BACH2: variants seen among roughly 807,000 people sequenced by gnomAD.
BACH2 encodes transcription regulator protein BACH2.
BACH2 carries 5 observed loss-of-function variants against 61.8 expected under a neutral mutation model. The observed-to-expected ratio is 0.08, with a 90% CI of 0.04 to 0.17. The LOEUF (loss-of-function observed/expected upper bound fraction) is 0.17, where lower values mean the gene tolerates loss of function less well. Ranked by LOEUF, BACH2 falls within the 10% of genes least tolerant of loss-of-function variation. The pLI is 1.00. For synonymous variants in BACH2, 446 were observed against 440.1 expected (o/e 1.01, Z -0.17); for missense variants, 824 against 1,091.1 (o/e 0.76, Z 3.45).
intron 5 of BACH2, among the ~76,000 whole-genome samples, chr6:90,073,044 T>C (rs1199838431): frequency 6.6e-6 from 1 of 152,266 alleles, no homozygotes; most frequent in African/African-American, 2.4e-5. Context: ...ATGCAACAGA[T>C]GGTACTGAGG....
intron 4 of BACH2, among the ~76,000 whole-genome samples, chr6:90,148,890 T>C (rs1226603828): frequency 1.3e-5 from 2 of 152,222 alleles, no homozygotes; most frequent in African/African-American, 4.8e-5. Context: ...GGTGGTCTCG[T>C]GTACAGGGAC....
intron 4 of BACH2, among the ~76,000 whole-genome samples, chr6:90,191,200 G>T (rs575463008): frequency 6.6e-6 from 1 of 152,252 alleles, no homozygotes; most frequent in Non-Finnish European, 1.5e-5. Context: ...GGGCAAGTGT[G>T]AGAGTGTGAA....
intron 1 of BACH2, among the ~76,000 whole-genome samples, chr6:90,273,009 T>A (rs558833044): frequency 6.6e-6 from 1 of 152,298 alleles, no homozygotes; most frequent in South Asian, 2.1e-4. Context: ...TGGATCCTGG[T>A]GGCCATGCTT....
chr6:90,246,542 C>A (rs1010662612), intron 3 of BACH2, among the ~76,000 whole-genome samples: 2 of 151,660 alleles, frequency 1.3e-5, no homozygotes, highest in Non-Finnish European at 2.9e-5. Flanking sequence ...TACATTCACC[C>A]GAAACAAAAT....
At chr6:90,241,568 G>A (rs1212364645) in intron 3 of BACH2, among the ~76,000 whole-genome samples, 1 of 152,170 alleles carries the variant, frequency 6.6e-6, no homozygotes, top group Admixed American at 6.5e-5. Flanking sequence ...TTAGCACAAT[G>A]GCCACAAGCC....
chr6:90,029,429 A>G (rs1367499775), intron 5 of BACH2, among the ~76,000 whole-genome samples: 4 of 152,108 alleles, frequency 2.6e-5, no homozygotes. Context: ...ATTCTCAGTG[A>G]GGCCTCCCTA....
chr6:90,229,709 G>C (rs1360642189), intron 3 of BACH2, among the ~76,000 whole-genome samples: 1 of 152,214 alleles, frequency 6.6e-6, no homozygotes, highest in Non-Finnish European at 1.5e-5. Context: ...AGAAGTTTGT[G>C]CTCTGATTCT....
intron 6 of BACH2, chr6:90,001,452 A>G (rs980272258): frequency 2.0e-4 from 30 of 152,230 alleles, no homozygotes; most frequent in African/African-American, 6.3e-4. Flanking sequence ...GATCAGCCCA[A>G]TCAACCTGGC....
intron 3 of BACH2, among the ~76,000 whole-genome samples, chr6:90,251,333 A>G (rs921044111): frequency 2.0e-5 from 3 of 152,188 alleles, no homozygotes; most frequent in African/African-American, 7.2e-5. Context: ...TCTTTTAGAC[A>G]AGATCAGGCA....
rs200166094 is a variant in BACH2, at chr6:89,932,398, A to T, written c.*10T>A. 2.7e-4 allele frequency: 431 copies of T among 1,602,940 alleles called. 10 individuals carry two copies. In the East Asian group the frequency reaches 6.3e-3, roughly 23 times the overall value. On this transcript the variant is annotated 3_prime_UTR_variant, in exon 9 of 9. Coordinates refer to ENST00000257749, the MANE Select transcript of BACH2 (RefSeq NM_021813.4). ...GAGAGGTGTGCGGACTGGGAGGCAG[A>T]GCCGAGTCACTAGGTATAATCTTTC...
chr6:90,026,550 G>A (rs1395935041), intron 5 of BACH2, among the ~76,000 whole-genome samples: 1 of 152,126 alleles, frequency 6.6e-6, no homozygotes, highest in East Asian at 1.9e-4. Flanking sequence ...GGATTATGAT[G>A]TTAAGAGACT....
chr6:89,965,594 C>T (rs1397894227), intron 6 of BACH2, among the ~76,000 whole-genome samples: 7 of 152,164 alleles, frequency 4.6e-5, no homozygotes, highest in South Asian at 4.1e-4. Context: ...TGAACTAAAC[C>T]GAGCTAGCCC....
intron 5 of BACH2, among the ~76,000 whole-genome samples, chr6:90,033,854 T>G (rs1779133027): frequency 6.6e-6 from 1 of 152,196 alleles, no homozygotes; most frequent in Admixed American, 6.5e-5. Context: ...AAAGACATGC[T>G]TGGATTCAGA....
In BACH2 at chr6:90,120,121, GACATATC is replaced by G. The variant is rs11283599; in HGVS notation, c.-161-31019_-161-31013del. Reference sequence around the variant, plus strand: ...GCTGGGGACATCAATGAACAAGACAGACATATCACATATCACATATCACAAAGCTTAT... The same window carrying G: ...GCTGGGGACATCAATGAACAAGACAGACATATCACATATCACAAAGCTTAT... On this transcript the variant is annotated intron_variant, in intron 4 of 8. Transcript: ENST00000257749. 7.2e-3 allele frequency among the ~76,000 whole-genome samples: 1,103 copies of G among 152,214 alleles called. 14 individuals carry two copies. The highest frequency in any genetic ancestry group is 0.025 in the African/African-American group (1,037 of 41,526).
chr6:90,127,735 CAG>C (rs1783915137), intron 4 of BACH2, among the ~76,000 whole-genome samples: 2 of 152,326 alleles, frequency 1.3e-5, no homozygotes, highest in South Asian at 4.1e-4. Flanking sequence ...AGATGTTGTA[CAG>C]ACTCTTTGGC....
At chr6:89,986,692 T>G (rs1776259796) in intron 6 of BACH2, among the ~76,000 whole-genome samples, 1 of 152,208 alleles carries the variant, frequency 6.6e-6, no homozygotes, top group South Asian at 2.1e-4. Flanking sequence ...CACCTCCATC[T>G]GAATTGTATA....
In BACH2 at chr6:90,096,953, G is replaced by A. The variant is rs141325234; in HGVS notation, c.-161-7844C>T. On this transcript the variant is annotated intron_variant, in intron 4 of 8. Coordinates refer to ENST00000257749, the MANE Select transcript of BACH2 (RefSeq NM_021813.4). ...TACCCTTCAGATAATCTGGGGCCAC[G>A]GCCTTGGGTTCCATCACACCCATAA... Among the ~76,000 whole-genome samples the A allele has an allele frequency of 2.4e-4, 36 of 152,300 alleles. No individual in the cohort carries two copies. The East Asian group carries it at 4.6e-3, about 20-fold the overall frequency.
intron 6 of BACH2, among the ~76,000 whole-genome samples, chr6:90,003,014 A>G (rs1335855450): frequency 6.6e-6 from 1 of 152,198 alleles, no homozygotes; most frequent in Non-Finnish European, 1.5e-5. Flanking sequence ...CCACCATGTC[A>G]CTGCTATCAC....
At chr6:89,972,002 G>C (rs112781536) in intron 6 of BACH2, among the ~76,000 whole-genome samples, 53 of 152,232 alleles carry the variant, frequency 3.5e-4, no homozygotes, top group Non-Finnish European at 7.1e-4. Context: ...GCTGCAGCCT[G>C]AGGGAGGATT....
Sources: allele counts gnomAD v4.1 joint callset (sites outside exome capture counted in the v4.1 genomes callset), GRCh38; gene constraint gnomAD v4.1.1; transcripts MANE v1.5; gene names NCBI Gene and HGNC (gene_info 2026-07-23, HGNC 2026-07-21).